PHF20: variants seen among roughly 807,000 people sequenced by gnomAD.
PHF20 encodes PHD finger protein 20.
In PHF20, 23 loss-of-function variants were observed where a neutral mutation model predicts 113.5. The ratio of observed to expected loss-of-function variants is 0.20; its 90% confidence interval spans 0.15 to 0.29. PHF20 has a LOEUF of 0.29. Among genes scored for constraint, PHF20 ranks in the 10% least tolerant of loss-of-function variants. PHF20 has a pLI of 1.00. For synonymous variants in PHF20, 434 were observed against 457.3 expected (o/e 0.95, Z 0.65); for missense variants, 943 against 1,219.6 (o/e 0.77, Z 3.38).
At chr20:35,779,939 T>G (rs1285314861) in intron 1 of PHF20, among the ~76,000 whole-genome samples, 1 of 152,180 alleles carries the variant, frequency 6.6e-6, no homozygotes, top group East Asian at 1.9e-4. Context: ...TTTGGAGCAC[T>G]GTCTTAAATG....
chr20:35,814,029 C>G (rs1248486012), intron 2 of PHF20, among the ~76,000 whole-genome samples: 1 of 149,070 alleles, frequency 6.7e-6, no homozygotes, highest in Non-Finnish European at 1.5e-5. Flanking sequence ...AAGAATAAGA[C>G]TCTATCTCTA....
chr20:35,875,267 G>T (rs538901408), intron 9 of PHF20, among the ~76,000 whole-genome samples: 1 of 151,684 alleles, frequency 6.6e-6, no homozygotes, highest in Non-Finnish European at 1.5e-5. Flanking sequence ...GCTTGGTGGC[G>T]CACGCCTGTA....
chr20:35,785,805 G>A (rs532776967), intron 1 of PHF20, among the ~76,000 whole-genome samples: 10 of 151,704 alleles, frequency 6.6e-5, no homozygotes, highest in African/African-American at 2.4e-4. Context: ...GCTCACGCTT[G>A]TAATCCCAGC....
intron 2 of PHF20, among the ~76,000 whole-genome samples, chr20:35,830,081 T>G (rs2146917555): frequency 6.6e-6 from 1 of 152,180 alleles, no homozygotes; most frequent in Non-Finnish European, 1.5e-5. Context: ...GCCTGGCTAA[T>G]TTTTTGTATT....
At chr20:35,839,610 A>G (rs945999179) in intron 2 of PHF20, among the ~76,000 whole-genome samples, 2 of 152,308 alleles carry the variant, frequency 1.3e-5, no homozygotes. Context: ...CATTTGTCAG[A>G]TCAGACAATT....
intron 2 of PHF20, among the ~76,000 whole-genome samples, chr20:35,834,245 T>A (rs2042401122): frequency 7.0e-6 from 1 of 143,288 alleles, no homozygotes; most frequent in Admixed American, 7.0e-5. Flanking sequence ...TCTACAGCTA[T>A]GGTTTTTTTT....
chr20:35,835,998 A>T (rs999430088), intron 2 of PHF20, among the ~76,000 whole-genome samples: 1 of 151,930 alleles, frequency 6.6e-6, no homozygotes, highest in Non-Finnish European at 1.5e-5. Flanking sequence ...AAGGCTGAAA[A>T]TTCTAAAAAT....
At chr20:35,877,244 C>G (rs1042469128) in intron 9 of PHF20, among the ~76,000 whole-genome samples, 3 of 124,334 alleles carry the variant, frequency 2.4e-5, no homozygotes, top group Non-Finnish European at 3.2e-5. Flanking sequence ...TTGCCGAGAT[C>G]GTGCCACTGC....
intron 2 of PHF20, among the ~76,000 whole-genome samples, chr20:35,815,273 A>G (rs2042051922): frequency 6.6e-6 from 1 of 152,098 alleles, no homozygotes; most frequent in Middle Eastern, 3.4e-3. Flanking sequence ...TGGTGTAACT[A>G]TGCTAAATGA....
At chr20:35,823,917 G>C (rs2042218744) in intron 2 of PHF20, among the ~76,000 whole-genome samples, 1 of 152,216 alleles carries the variant, frequency 6.6e-6, no homozygotes, top group Admixed American at 6.5e-5. Flanking sequence ...AAGGGTTGTT[G>C]CTTTTAGAAC....
At chr20:35,908,174 T>C (rs1033592680) in intron 10 of PHF20, among the ~76,000 whole-genome samples, 2 of 152,086 alleles carry the variant, frequency 1.3e-5, no homozygotes, top group African/African-American at 4.8e-5. Context: ...GGCCCTGGAG[T>C]GGGAGATAGG....
intron 9 of PHF20, among the ~76,000 whole-genome samples, chr20:35,884,987 C>T (rs749124333): frequency 2.6e-5 from 4 of 152,122 alleles, no homozygotes; most frequent in Admixed American, 6.6e-5. Flanking sequence ...CACGCCACCA[C>T]GCCTGGCTAA....
At chr20:35,874,692 T>C (rs2054486072) in intron 9 of PHF20, among the ~76,000 whole-genome samples, 1 of 152,128 alleles carries the variant, frequency 6.6e-6, no homozygotes, top group Non-Finnish European at 1.5e-5. Context: ...AACAAACAAA[T>C]AAGACTGTGT....
intron 1 of PHF20, among the ~76,000 whole-genome samples, chr20:35,793,995 CAAAAAAAAAA>C (rs56189104): frequency 2.1e-4 from 7 of 33,836 alleles, no homozygotes; most frequent in African/African-American, 7.6e-4. Context: ...GACTCTGTCT[CAAAAAAAAAA>C]AAAAAAAAAA....
In PHF20 at chr20:35,927,825, C is replaced by T; in HGVS notation, c.2050C>T (p.Leu684=). 6.2e-7 allele frequency: 1 copy of T among 1,614,070 alleles called. No individual in the cohort carries two copies. The highest frequency in any genetic ancestry group is 1.1e-5 in the South Asian group (1 of 91,086). Residue 684 remains leucine, a synonymous_variant, in exon 14 of 18, where the codon CTG becomes TTG. Transcript: ENST00000374012. ...GCAGCATGGGGTCTGCATGGGATTACTGGAAGAAAATGTGCCCGAGAAATA... is the reference window on the plus strand; with the variant it reads ...GCAGCATGGGGTCTGCATGGGATTATTGGAAGAAAATGTGCCCGAGAAATA... ...CWQHGVCMGL[L]EENVPEKYTC...
In PHF20 at chr20:35,938,865, C is replaced by G. The variant is rs758926780; in HGVS notation, c.2469C>G (p.Ala823=). 1.2e-6 allele frequency: 2 copies of G among 1,614,036 alleles called. No individual in the cohort carries two copies. The highest frequency in any genetic ancestry group is 3.3e-5 in the Admixed American group (2 of 60,006). ...CAGTGGAGAAGCCCAGGCCCCTGGC[C>G]CTGCCCCTGCCGCGTTCTGTGGAGG... ...NGAVEKPRPL[A]LPLPRSVEES... is the part of the protein sequence containing the mutation. Residue 823 remains alanine (A), a synonymous_variant, in exon 16 of 18, where the codon GCC becomes GCG. Transcript: ENST00000374012.
intron 1 of PHF20, among the ~76,000 whole-genome samples, chr20:35,780,789 C>T (rs1031892114): frequency 5.3e-5 from 8 of 151,652 alleles, no homozygotes; most frequent in African/African-American, 1.9e-4. Flanking sequence ...CTCAGATGAT[C>T]CACCAGCCTT....
At chr20:35,857,562 CTTTTTTTTTTTTTT>C (rs56655276) in intron 4 of PHF20, among the ~76,000 whole-genome samples, 7,953 of 100,514 alleles carry the variant, frequency 0.079, 406 homozygotes, top group African/African-American at 0.17. Context: ...AATGATGTTC[CTTTTTTTTTTTTTT>C]TTTTTTTTTT....
At chr20:35,829,991 G>A (rs893375312) in intron 2 of PHF20, among the ~76,000 whole-genome samples, 3 of 151,618 alleles carry the variant, frequency 2.0e-5, no homozygotes, top group African/African-American at 7.3e-5. Context: ...TCAGCTCACT[G>A]CAACGTCTGC....
Sources: allele counts gnomAD v4.1 joint callset (sites outside exome capture counted in the v4.1 genomes callset), GRCh38; gene constraint gnomAD v4.1.1; transcripts MANE v1.5; gene names NCBI Gene and HGNC (gene_info 2026-07-23, HGNC 2026-07-21).